Variants in ATP6V0A1 observed in about 807,000 individuals in gnomAD.
ATP6V0A1 encodes the protein V-type proton ATPase 116 kDa subunit a 1.
In ATP6V0A1, 43 loss-of-function variants were observed where a neutral mutation model predicts 105.4. That is an observed-to-expected ratio of 0.41 (90% CI 0.32 to 0.53). The LOEUF (loss-of-function observed/expected upper bound fraction) is 0.53, where lower values mean the gene tolerates loss of function less well. ATP6V0A1 is among the 20% of genes least tolerant of loss of function. The pLI, the probability that ATP6V0A1 is intolerant of heterozygous loss-of-function variation, is 0.30. For synonymous variants in ATP6V0A1, 362 were observed against 372.8 expected, an observed-to-expected ratio of 0.97 and a Z score of 0.33; for missense variants, 676 against 1,051.1, an observed-to-expected ratio of 0.64 and a Z score of 4.93.
chr17:42,487,162 A>C lies in ATP6V0A1; in HGVS notation c.818A>C (p.Asn273Thr). 1 of 1,614,172 alleles carries C rather than the reference A, an allele frequency of 6.2e-7. No individual in the cohort carries two copies. Among genetic ancestry groups the C allele is most frequent in the Non-Finnish European group, 8.5e-7 (1 of 1,180,028 alleles). The change falls in exon 10 of 22, where the codon AAT (asparagine) becomes ACT (threonine). Residue 273 changes from asparagine to threonine, a missense_variant. Physicochemically the swap from Asn to Thr is moderately conservative, Grantham distance 65. This residue lies in a region of ATP6V0A1 where 239 missense variants were observed against 388.4 expected (regional missense o/e 0.62). Coordinates refer to ENST00000343619, the MANE Select transcript of ATP6V0A1 (RefSeq NM_001130021.3). ...TTCCTTTTCTCCCCAAAGGTTCTGAATCAAACGGAGGATCACCGCCAGAGG... is the reference window on the plus strand; with the variant it reads ...TTCCTTTTCTCCCCAAAGGTTCTGACTCAAACGGAGGATCACCGCCAGAGG... ...TRIDDLQMVL[N>T]QTEDHRQRVL...
Position 42,468,115 on chromosome 17 carries a change from C to G in ATP6V0A1, c.294+8C>G. 6.5e-7 allele frequency: 1 copy of G among 1,548,384 alleles called. No homozygotes were observed. The highest frequency in any genetic ancestry group is 8.7e-7 in the Non-Finnish European group (1 of 1,143,176). On this transcript the variant is annotated splice_region_variant and intron_variant, in intron 4 of 21. Coordinates refer to ENST00000343619, the MANE Select transcript of ATP6V0A1 (RefSeq NM_001130021.3). ...GACATGATTGACTTAGAGGTAAACA[C>G]TTCTGGGAAAACCAGAAAAGTTTCT...
At chr17:42,520,892 CT>C in intron 21 of ATP6V0A1, 134 bp from the exon 22 acceptor site, 1 of 758,170 alleles carries the variant, frequency 1.3e-6, no homozygotes, top group East Asian at 2.5e-5. Context: ...GCACTCTGGG[CT>C]TTCTCTAGCT....
chr17:42,496,988 C>T (rs184286752), intron 14 of ATP6V0A1, among the ~76,000 whole-genome samples: 1 of 152,032 alleles, frequency 6.6e-6, no homozygotes, highest in Admixed American at 6.6e-5. Context: ...AGTTTAGAGA[C>T]TCAAGAGATA....
At position 42,478,468 on chromosome 17, in the gene ATP6V0A1, T is replaced by C; in HGVS notation, c.512T>C (p.Val171Ala). ...GRGTPLRLGF[V>A]AGVINRERIP... ...TCTGCCTCTTCTCCCCACAGCTTCGTGGCTGGTGTCATTAACCGGGAGCGC... is the reference window on the plus strand; with the variant it reads ...TCTGCCTCTTCTCCCCACAGCTTCGCGGCTGGTGTCATTAACCGGGAGCGC... The change falls in exon 7 of 22, where the codon GTG (valine) becomes GCG (alanine). Residue 171 changes from valine to alanine, a missense_variant. Coordinates refer to ENST00000343619, the MANE Select transcript of ATP6V0A1 (RefSeq NM_001130021.3). 6.2e-7 allele frequency: 1 copy of C among 1,602,144 alleles called. No individual in the cohort carries two copies. Among genetic ancestry groups the C allele is most frequent in the Non-Finnish European group, 8.5e-7 (1 of 1,172,922 alleles).
At chr17:42,518,159 G>C (rs1317682034) in intron 21 of ATP6V0A1, 2 of 152,228 alleles carry the variant, frequency 1.3e-5, no homozygotes, top group Admixed American at 6.5e-5. Flanking sequence ...ACATCAAACT[G>C]ATTTTTATGC....
At chr17:42,463,590 C>G (rs2086693418) in intron 2 of ATP6V0A1, among the ~76,000 whole-genome samples, 1 of 152,116 alleles carries the variant, frequency 6.6e-6, no homozygotes, top group African/African-American at 2.4e-5. Context: ...TGTCATTACT[C>G]TTTTGGGGCT....
At chr17:42,471,674 C>T (rs1363713835) in intron 5 of ATP6V0A1, among the ~76,000 whole-genome samples, 1 of 151,520 alleles carries the variant, frequency 6.6e-6, no homozygotes, top group Non-Finnish European at 1.5e-5. Context: ...GCAGAGGTTG[C>T]AGTGAGCGGA....
chr17:42,496,109 A>T (rs1172273667), intron 14 of ATP6V0A1: 1 of 164,626 alleles, frequency 6.1e-6, no homozygotes, highest in East Asian at 1.7e-4. Context: ...AAACAAAAAT[A>T]GTTATGTGGG....
intron 2 of ATP6V0A1, among the ~76,000 whole-genome samples, chr17:42,461,890 T>C (rs575451377): frequency 7.9e-5 from 12 of 151,900 alleles, no homozygotes; most frequent in African/African-American, 2.4e-4. Flanking sequence ...CTTTTACTTA[T>C]GCTGTACTTC....
In ATP6V0A1 at chr17:42,498,956, C is replaced by A; in HGVS notation, c.1593C>A (p.Phe531Leu). The A allele has an allele frequency of 6.2e-7, 1 of 1,613,282 alleles. No homozygotes were observed. Residue 531 changes from phenylalanine to leucine, a missense_variant, in exon 15 of 22, where the codon TTC (phenylalanine) becomes TTA (leucine). Around this residue, in one of 3 missense-constraint regions of ATP6V0A1, gnomAD observed 435 missense variants for 642.2 expected, o/e 0.68. Transcript: ENST00000343619. ...IWNIATNKLT[F>L]LNSFKMKMSV... ...ACATTGCTACCAATAAACTGACGTT[C>A]TTGAACTCCTTTAAGATGAAGATGT...
At chr17:42,512,146 G>A (rs1350619206) in intron 19 of ATP6V0A1, among the ~76,000 whole-genome samples, 8 of 152,134 alleles carry the variant, frequency 5.3e-5, no homozygotes, top group Admixed American at 5.2e-4. Flanking sequence ...GATTGATACG[G>A]GCGTGTGCTG....
intron 8 of ATP6V0A1, among the ~76,000 whole-genome samples, chr17:42,482,663 G>A (rs1360935417): frequency 6.6e-6 from 1 of 151,926 alleles, no homozygotes. Context: ...TTGGGAGGCC[G>A]AGGTGGGTGG....
intron 9 of ATP6V0A1, 56 bp from the exon 10 acceptor site, chr17:42,487,099 T>G: frequency 2.3e-4 from 347 of 1,530,428 alleles, no homozygotes; most frequent in Middle Eastern, 3.4e-4. Context: ...ATTCATACCC[T>G]GAGATCTAAA....
At chr17:42,497,802 C>T (rs1338802174) in intron 14 of ATP6V0A1, among the ~76,000 whole-genome samples, 1 of 151,748 alleles carries the variant, frequency 6.6e-6, no homozygotes, top group Admixed American at 6.6e-5. Flanking sequence ...ATTTGGGAGG[C>T]CAAGGCGGGC....
chr17:42,500,733 A>G lies in ATP6V0A1; in HGVS notation c.1706A>G (p.Tyr569Cys), dbSNP rs749142430. The stretch of plus-strand genomic sequence containing the variant: ...TATTTCAAGAAGCCCCTGAATATCT[A>G]CTTTGGATTTATTCCTGAAATAATC... ...HIYFKKPLNI[Y>C]FGFIPEIIFM... Residue 569 changes from tyrosine to cysteine, a missense_variant, in exon 16 of 22, where the codon TAC becomes TGC. Physicochemically the swap from Tyr to Cys is radical, Grantham distance 194. Transcript: ENST00000343619. 6.2e-7 allele frequency: 1 copy of G among 1,613,712 alleles called. No individual in the cohort carries two copies. The highest frequency in any genetic ancestry group is 8.5e-7 in the Non-Finnish European group (1 of 1,179,662).
intron 17 of ATP6V0A1, 34 bp downstream of exon 17, chr17:42,501,338 CTTTTG>C (rs72352728): frequency 0.2 from 301,504 of 1,514,826 alleles, 35,445 homozygotes; most frequent in Middle Eastern, 0.26. Flanking sequence ...AGTTACTAGA[CTTTTG>C]TTTTGTTCAA....
At chr17:42,485,257 G>A (rs2089989286) in intron 9 of ATP6V0A1, among the ~76,000 whole-genome samples, 2 of 152,166 alleles carry the variant, frequency 1.3e-5, no homozygotes. Flanking sequence ...CAGAGAGAGA[G>A]AGTTTTAGAA....
chr17:42,499,019 C>A lies in ATP6V0A1; in HGVS notation c.1656C>A (p.Val552=). Residue 552 remains valine (V), a synonymous_variant, in exon 15 of 22, where the codon GTC becomes GTA. Transcript: ENST00000343619. ...ILGIIHMLFG[V]SLSLFNHIYF... ...GTATCATCCATATGCTGTTTGGAGT[C>A]AGCCTGAGTCTGTTCAACCATATGT... 1 of 1,609,564 alleles carries A rather than the reference C, an allele frequency of 6.2e-7. No individual in the cohort carries two copies. Among genetic ancestry groups the A allele is most frequent in the African/African-American group, 1.3e-5 (1 of 74,902 alleles).
intron 10 of ATP6V0A1, among the ~76,000 whole-genome samples, chr17:42,489,955 A>G (rs2090475604): frequency 6.6e-6 from 1 of 152,200 alleles, no homozygotes; most frequent in Non-Finnish European, 1.5e-5. Context: ...GAGAACTCCT[A>G]AGGAAGAAGG....
Sources: allele counts gnomAD v4.1 joint callset (sites outside exome capture counted in the v4.1 genomes callset), GRCh38; gene constraint gnomAD v4.1.1; regional missense constraint gnomAD v4.1.1; transcripts MANE v1.5; gene names NCBI Gene and HGNC (gene_info 2026-07-23, HGNC 2026-07-21).